The following DMRT1 variants were observed in gnomAD, a reference collection of about 807,000 sequenced individuals.
The protein encoded by DMRT1 is doublesex and mab-3 related transcription factor 1, also known as doublesex- and mab-3-related transcription factor 1.
DMRT1 carries 7 observed loss-of-function variants against 32.3 expected under a neutral mutation model. The observed-to-expected ratio is 0.22, with a 90% confidence interval of 0.12 to 0.41. DMRT1 has a LOEUF of 0.41. Ranked by LOEUF, DMRT1 falls within the 10% of genes least tolerant of loss-of-function variation. DMRT1 has a pLI of 1.00. For synonymous variants in DMRT1, 278 were observed against 206.1 expected, an observed-to-expected ratio of 1.35 and a Z score of -2.99; for missense variants, 625 against 500.5, an observed-to-expected ratio of 1.25 and a Z score of -2.37.
chr9:847,350 C>T (rs909756081), intron 2 of DMRT1, among the ~76,000 whole-genome samples: 1 of 152,182 alleles, frequency 6.6e-6, no homozygotes, highest in Non-Finnish European at 1.5e-5. Flanking sequence ...CAACTCTTTC[C>T]TGTTGGTTAT....
chr9:899,326 C>T lies in DMRT1; in HGVS notation c.822+5131C>T, dbSNP rs545994034. On this transcript the variant is annotated intron_variant, in intron 3 of 4. Transcript: ENST00000382276. Reference sequence around the variant, plus strand: ...TCTTAGAGATGAGTAGAAAGGGTTTCGAATTTTTATTGTACAGTTGAGACT... The same window carrying T: ...TCTTAGAGATGAGTAGAAAGGGTTTTGAATTTTTATTGTACAGTTGAGACT... 4.6e-5 allele frequency among the ~76,000 whole-genome samples: 7 copies of T among 152,216 alleles called. No individual in the cohort carries two copies. In the South Asian group the frequency reaches 1.2e-3, roughly 27 times the overall value.
chr9:862,614 G>A (rs563461173), intron 2 of DMRT1, among the ~76,000 whole-genome samples: 1 of 152,242 alleles, frequency 6.6e-6, no homozygotes, highest in East Asian at 1.9e-4. Flanking sequence ...AGAGATTGAT[G>A]GGAAGGTCGT....
intron 4 of DMRT1, among the ~76,000 whole-genome samples, chr9:927,726 T>G (rs1323514675): frequency 2.0e-5 from 3 of 152,244 alleles, no homozygotes. Flanking sequence ...GACCAGATTT[T>G]ATGTGCCTTC....
chr9:862,236 C>A (rs559843203), intron 2 of DMRT1, among the ~76,000 whole-genome samples: 1 of 152,052 alleles, frequency 6.6e-6, no homozygotes, highest in Non-Finnish European at 1.5e-5. Flanking sequence ...GAGCGAGACT[C>A]CGTCTGCACT....
intron 2 of DMRT1, among the ~76,000 whole-genome samples, chr9:866,580 G>T (rs1469430344): frequency 6.6e-6 from 1 of 152,142 alleles, no homozygotes; most frequent in Non-Finnish European, 1.5e-5. Flanking sequence ...TTTTCATTAG[G>T]GGCAAACCAG....
chr9:871,262 G>A (rs985102828), intron 2 of DMRT1, among the ~76,000 whole-genome samples: 1 of 151,404 alleles, frequency 6.6e-6, no homozygotes, highest in African/African-American at 2.4e-5. Context: ...TATTGAGCTC[G>A]AGCAATTCTC....
At chr9:854,366 C>T (rs1274045344) in intron 2 of DMRT1, among the ~76,000 whole-genome samples, 2 of 151,908 alleles carry the variant, frequency 1.3e-5, no homozygotes, top group African/African-American at 2.4e-5. Flanking sequence ...CTCACTGCAA[C>T]CTCCACTTTC....
At chr9:947,225 T>C (rs1398231060) in intron 4 of DMRT1, among the ~76,000 whole-genome samples, 1 of 152,188 alleles carries the variant, frequency 6.6e-6, no homozygotes, top group East Asian at 1.9e-4. Flanking sequence ...CAACACAAAT[T>C]TGTAAACTTT....
intron 4 of DMRT1, among the ~76,000 whole-genome samples, chr9:953,659 T>G (rs1249478651): frequency 6.6e-6 from 1 of 152,196 alleles, no homozygotes. Flanking sequence ...TCCTCGCCCC[T>G]TCCTTGACGT....
chr9:865,064 C>A lies in DMRT1; in HGVS notation c.538+17921C>A, dbSNP rs1222325043. On this transcript the variant is annotated intron_variant, in intron 2 of 4. Transcript: ENST00000382276. ...ATGGAATTAGAATGCACGTTACCTTCAGCTATCTCAGAGTCATTTTACTGT... is the reference window on the plus strand; with the variant it reads ...ATGGAATTAGAATGCACGTTACCTTAAGCTATCTCAGAGTCATTTTACTGT... Among the ~76,000 whole-genome samples, 3 of 152,176 alleles carry A rather than the reference C, an allele frequency of 2.0e-5. No homozygotes were observed. In the East Asian group the frequency reaches 5.8e-4, roughly 29 times the overall value.
rs528875231 is a variant in DMRT1 at position 930,414 on chromosome 9, A to T, written c.967+13507A>T. Among the ~76,000 whole-genome samples the T allele has an allele frequency of 8.6e-5, 13 of 151,632 alleles. No homozygotes were observed. In the East Asian group the frequency reaches 2.5e-3, roughly 30 times the overall value. ...CACTTGGCTATTTTTTTTATTAAAA[A>T]AATTTTTTTTTTTTTGAGACGGAGT... On this transcript the variant is annotated intron_variant, in intron 4 of 4. Transcript: ENST00000382276.
At chr9:946,135 CTTT>C (rs1174891518) in intron 4 of DMRT1, among the ~76,000 whole-genome samples, 1 of 143,456 alleles carries the variant, frequency 7.0e-6, no homozygotes. Flanking sequence ...TTCTTTCTTT[CTTT>C]TTTTTTTTTG....
At position 894,170 on chromosome 9, in the gene DMRT1, C is replaced by G. The variant is rs754289725; in HGVS notation, c.797C>G (p.Pro266Arg). 17 of 1,613,882 alleles carry G rather than the reference C, an allele frequency of 1.1e-5. No homozygotes were observed. Among genetic ancestry groups the G allele is most frequent in the Non-Finnish European group, 1.4e-5 (16 of 1,180,048 alleles). ...SLRGLPGPYV[P>R]GQTGNQWQMK... ...CGGGGCCTCCCCGGACCTTATGTGC[C>G]TGGTCAGACAGGAAACCAGTGGCAG... Residue 266 changes from proline (P) to arginine (R), a missense_variant, in exon 3 of 5, where the codon CCT becomes CGT. Coordinates refer to ENST00000382276, the MANE Select transcript of DMRT1 (RefSeq NM_021951.3).
At chr9:937,672 T>G (rs1818931508) in intron 4 of DMRT1, among the ~76,000 whole-genome samples, 1 of 152,204 alleles carries the variant, frequency 6.6e-6, no homozygotes, top group African/African-American at 2.4e-5. Flanking sequence ...GTTCAAGTCA[T>G]TTGCACATTT....
intron 4 of DMRT1, among the ~76,000 whole-genome samples, chr9:964,517 ACTTTTCAGTCT>A (rs1217525841): frequency 6.6e-6 from 1 of 151,864 alleles, no homozygotes; most frequent in African/African-American, 2.4e-5. Context: ...TCTTTTCCTT[ACTTTTCAGTCT>A]CTGCTGTGGT....
intron 4 of DMRT1, among the ~76,000 whole-genome samples, chr9:923,626 G>A (rs1447098369): frequency 6.6e-6 from 1 of 152,160 alleles, no homozygotes; most frequent in Non-Finnish European, 1.5e-5. Flanking sequence ...AGGGGAGAAC[G>A]ATGCCTTTGA....
At chr9:949,998 C>T (rs1819376997) in intron 4 of DMRT1, among the ~76,000 whole-genome samples, 1 of 152,160 alleles carries the variant, frequency 6.6e-6, no homozygotes, top group Admixed American at 6.5e-5. Flanking sequence ...TCCTTGGGTA[C>T]TGTGACTAGT....
chr9:938,786 T>C (rs1179796103), intron 4 of DMRT1, among the ~76,000 whole-genome samples: 3 of 152,212 alleles, frequency 2.0e-5, no homozygotes, highest in Non-Finnish European at 4.4e-5. Context: ...TGAACAGAGG[T>C]GGCACAAGTG....
intron 3 of DMRT1, among the ~76,000 whole-genome samples, chr9:899,930 A>T (rs1457794103): frequency 6.6e-6 from 1 of 152,184 alleles, no homozygotes; most frequent in Non-Finnish European, 1.5e-5. Flanking sequence ...AAATGGCAGC[A>T]CTGGCAGTTA....
Sources: gnomAD v4.1 joint callset for allele counts (sites outside exome capture counted in the v4.1 genomes callset) on GRCh38, gnomAD v4.1.1 for gene constraint, MANE v1.5 for transcripts, NCBI Gene and HGNC (gene_info 2026-07-23, HGNC 2026-07-21) for gene names.